ABLIM2: variants seen among roughly 807,000 people sequenced by gnomAD.
The protein encoded by ABLIM2 is actin binding LIM protein family member 2, also known as actin-binding LIM protein 2.
In ABLIM2, 53 loss-of-function variants were observed where a neutral mutation model predicts 97.7. The ratio of observed to expected loss-of-function variants is 0.54; its 90% CI spans 0.44 to 0.68. ABLIM2 has a LOEUF of 0.68. Among genes scored for constraint, ABLIM2 ranks in the 30% least tolerant of loss-of-function variants. ABLIM2 has a pLI of 0.00. For missense variants in ABLIM2, 835 were observed against 867.2 expected (o/e 0.96, Z 0.47); for synonymous variants, 361 against 345.8 (o/e 1.04, Z -0.49).
rs1034555249 is a variant in ABLIM2 at position 7,996,199 on chromosome 4, G to C, written c.1619-3272C>G. ...AACTCGTCAGAAATGCAAATTAGTG[G>C]GCCCTACCCTAGACCTCCTGTGTCA... On this transcript the variant is annotated intron_variant, in intron 16 of 20. Transcript: ENST00000447017. The surrounding 1 kb of genome is among the most constrained non-coding windows in gnomAD (Gnocchi z 4.5). Among the ~76,000 whole-genome samples the C allele has an allele frequency of 3.3e-5, 5 of 152,176 alleles. No individual in the cohort carries two copies. Among genetic ancestry groups the C allele is most frequent in the Admixed American group, 6.5e-5 (1 of 15,286 alleles).
intron 1 of ABLIM2, among the ~76,000 whole-genome samples, chr4:8,146,215 T>C (rs1372995528): frequency 1.3e-5 from 2 of 152,256 alleles, no homozygotes; most frequent in African/African-American, 4.8e-5. Flanking sequence ...AAGTATGGTC[T>C]AGGGCAGTCC....
rs1823167471 is a variant in ABLIM2, at chr4:8,085,773, C to A, written c.454+2396G>T. ...TTCACAGGTGTTTAGTCTTTGTACTCATCTGTAGCATCCTCCCCCTTCCAG... is the reference window on the plus strand; with the variant it reads ...TTCACAGGTGTTTAGTCTTTGTACTAATCTGTAGCATCCTCCCCCTTCCAG... On this transcript the variant is annotated intron_variant, in intron 4 of 20. Coordinates refer to ENST00000447017, the MANE Select transcript of ABLIM2 (RefSeq NM_001130083.2). This position sits in a 1 kb window ranked among gnomAD's most constrained non-coding sequence, Gnocchi z 6.1. 6.6e-6 allele frequency among the ~76,000 whole-genome samples: 1 copy of A among 152,224 alleles called. No individual in the cohort carries two copies. The highest frequency in any genetic ancestry group is 2.4e-5 in the African/African-American group (1 of 41,460).
rs1194343070 is a variant in ABLIM2 at position 8,085,084 on chromosome 4, C to A, written c.454+3085G>T. Reference sequence around the variant, plus strand: ...TGTTCGCTGCTCCTTCTGGAAGAAGCCTGTGCGGCCCACCCTAAAGGATTT... The same window carrying A: ...TGTTCGCTGCTCCTTCTGGAAGAAGACTGTGCGGCCCACCCTAAAGGATTT... On this transcript the variant is annotated intron_variant, in intron 4 of 20. Coordinates refer to ENST00000447017, the MANE Select transcript of ABLIM2 (RefSeq NM_001130083.2). This position sits in a 1 kb window ranked among gnomAD's most constrained non-coding sequence, Gnocchi z 6.1. Among the ~76,000 whole-genome samples, 12 of 152,318 alleles carry A rather than the reference C, an allele frequency of 7.9e-5. No homozygotes were observed. Among genetic ancestry groups the A allele is most frequent in the African/African-American group, 2.9e-4 (12 of 41,570 alleles).
intron 3 of ABLIM2, among the ~76,000 whole-genome samples, chr4:8,096,107 G>A (rs1049758005): frequency 2.0e-5 from 3 of 152,070 alleles, no homozygotes; most frequent in South Asian, 2.1e-4. Flanking sequence ...CCAACCCCAC[G>A]CTATCCTTCC....
intron 20 of ABLIM2, among the ~76,000 whole-genome samples, chr4:7,979,242 C>T (rs535887192): frequency 6.6e-6 from 1 of 152,256 alleles, no homozygotes; most frequent in Admixed American, 6.5e-5. Context: ...TCTGGCTCTG[C>T]GGTTCCTTTG....
At position 8,148,198 on chromosome 4, in the gene ABLIM2, G is replaced by A. The variant is rs1852135228; in HGVS notation, c.10+10482C>T. On this transcript the variant is annotated intron_variant, in intron 1 of 20. Transcript: ENST00000447017. This position sits in a 1 kb window ranked among gnomAD's most constrained non-coding sequence, Gnocchi z 6.7. ...GAGAAAAGGAAGACGTGGCGGCGGT[G>A]CAGCAGAAGCTCTCCTGTGGGGGCC... is the stretch of plus-strand genomic sequence containing the variant. Among the ~76,000 whole-genome samples the A allele has an allele frequency of 6.6e-6, 1 of 152,232 alleles. No homozygotes were observed. The highest frequency in any genetic ancestry group is 1.5e-5 in the Non-Finnish European group (1 of 68,040).
At chr4:8,092,732 G>A (rs11932159) in intron 3 of ABLIM2, among the ~76,000 whole-genome samples, 6,956 of 152,128 alleles carry the variant, frequency 0.046, 484 homozygotes, top group African/African-American at 0.15. Context: ...GTGCTCCTGC[G>A]GCTTGCGTTT....
chr4:8,097,727 G>A (rs963371615), intron 2 of ABLIM2, among the ~76,000 whole-genome samples: 2 of 152,106 alleles, frequency 1.3e-5, no homozygotes, highest in African/African-American at 2.4e-5. Context: ...GCTGGGGGCC[G>A]AAGGTTCCCA....
In ABLIM2 at chr4:8,092,047, G is replaced by C. The variant is rs1412180998; in HGVS notation, c.339-3763C>G. Reference sequence around the variant, plus strand: ...GAGTCTTGCTCTGTCACCCAGGCTGGAGTGCACTGGCACAATGTTGGCTCA... The same window carrying C: ...GAGTCTTGCTCTGTCACCCAGGCTGCAGTGCACTGGCACAATGTTGGCTCA... On this transcript the variant is annotated intron_variant, in intron 3 of 20. Coordinates refer to ENST00000447017, the MANE Select transcript of ABLIM2 (RefSeq NM_001130083.2). Among the ~76,000 whole-genome samples, 6 of 146,414 alleles carry C rather than the reference G, an allele frequency of 4.1e-5. No individual in the cohort carries two copies. In the East Asian group the frequency reaches 1.2e-3, roughly 29 times the overall value.
chr4:8,050,959 G>A (rs1004715300), intron 8 of ABLIM2, among the ~76,000 whole-genome samples: 8 of 152,244 alleles, frequency 5.3e-5, no homozygotes, highest in Non-Finnish European at 8.8e-5. Context: ...ACAGGCCCCC[G>A]AGCACAAGGA....
chr4:8,070,351 A>C (rs1811144466), intron 6 of ABLIM2, among the ~76,000 whole-genome samples: 2 of 151,886 alleles, frequency 1.3e-5, no homozygotes, highest in South Asian at 4.2e-4. Flanking sequence ...GATGACTTCT[A>C]GATGCCAGCA....
In ABLIM2 at chr4:8,071,651, G is replaced by A. The variant is rs1430733575; in HGVS notation, c.675+5977C>T. ...GGGGCAAAACGGGGGTGGGGGAACA[G>A]GTGGCTCCGAGGTCTCACACCTGAC... On this transcript the variant is annotated intron_variant, in intron 6 of 20. Coordinates refer to ENST00000447017, the MANE Select transcript of ABLIM2 (RefSeq NM_001130083.2). This position sits in a 1 kb window ranked among gnomAD's most constrained non-coding sequence, Gnocchi z 6.2. 21 of 953,096 alleles carry A rather than the reference G, an allele frequency of 2.2e-5. No homozygotes were observed. The highest frequency in any genetic ancestry group is 2.6e-5 in the Non-Finnish European group (21 of 800,622). The allele number at this position is 953,096 out of a possible 1,614,324, so 59.0% of individuals were successfully genotyped here.
intron 8 of ABLIM2, among the ~76,000 whole-genome samples, chr4:8,049,054 C>T (rs1043922052): frequency 5.9e-5 from 9 of 152,236 alleles, no homozygotes; most frequent in African/African-American, 1.7e-4. Flanking sequence ...TCCAGGAAGC[C>T]GCCTGTGACC....
intron 14 of ABLIM2, among the ~76,000 whole-genome samples, chr4:8,012,364 C>T (rs1765571977): frequency 6.6e-6 from 1 of 150,760 alleles, no homozygotes; most frequent in Admixed American, 6.6e-5. Context: ...TCTATCTACC[C>T]ATCTGTCCAT....
At position 8,113,187 on chromosome 4, in the gene ABLIM2, C is replaced by T. The variant is rs916830230; in HGVS notation, c.11-6550G>A. Among the ~76,000 whole-genome samples the T allele has an allele frequency of 3.3e-5, 5 of 152,268 alleles. No individual in the cohort carries two copies. The highest frequency in any genetic ancestry group is 1.2e-4 in the African/African-American group (5 of 41,548). On this transcript the variant is annotated intron_variant, in intron 1 of 20. Coordinates refer to ENST00000447017, the MANE Select transcript of ABLIM2 (RefSeq NM_001130083.2). This position sits in a 1 kb window ranked among gnomAD's most constrained non-coding sequence, Gnocchi z 4.5. ...TCAGCTCACTGCAGCCTCAACCTCC[C>T]GGGATCAAGCCATCCTCCCACCTCA...
intron 1 of ABLIM2, among the ~76,000 whole-genome samples, chr4:8,133,097 C>T (rs974708946): frequency 9.9e-5 from 15 of 152,174 alleles, no homozygotes; most frequent in African/African-American, 3.4e-4. Context: ...GCAATCCTCC[C>T]GAGCCTCAGC....
intron 14 of ABLIM2, among the ~76,000 whole-genome samples, chr4:8,018,762 G>A (rs923866085): frequency 2.6e-5 from 4 of 152,166 alleles, no homozygotes; most frequent in Non-Finnish European, 4.4e-5. Flanking sequence ...GGACAAGAAC[G>A]TTTAATATGG....
chr4:8,116,852 T>C (rs1219273018), intron 1 of ABLIM2, among the ~76,000 whole-genome samples: 2 of 152,344 alleles, frequency 1.3e-5, no homozygotes, highest in Middle Eastern at 3.4e-3. Context: ...GTTCCTGATC[T>C]AATTTCTGGA....
At chr4:8,102,348 T>C (rs1446853486) in intron 2 of ABLIM2, among the ~76,000 whole-genome samples, 2 of 152,190 alleles carry the variant, frequency 1.3e-5, no homozygotes, top group African/African-American at 4.8e-5. Context: ...CCACCCAGTT[T>C]GCATCTTTCC....
Sources: allele counts gnomAD v4.1 joint callset (sites outside exome capture counted in the v4.1 genomes callset), GRCh38; gene constraint gnomAD v4.1.1; non-coding constraint Gnocchi (gnomAD v3.1); transcripts MANE v1.5; gene names NCBI Gene and HGNC (gene_info 2026-07-23, HGNC 2026-07-21).